The following SH3KBP1 variants were observed in gnomAD, a reference collection of about 807,000 sequenced individuals.
SH3KBP1 encodes SH3 domain-containing kinase-binding protein 1.
In SH3KBP1, 8 loss-of-function variants were observed where a neutral mutation model predicts 50.1. That is an observed-to-expected ratio of 0.16 (90% confidence interval 0.09 to 0.29). The LOEUF (loss-of-function observed/expected upper bound fraction) is 0.29, where lower values mean the gene tolerates loss of function less well. Ranked by LOEUF, SH3KBP1 falls within the 10% of genes least tolerant of loss-of-function variation. The pLI is 1.00. For synonymous variants in SH3KBP1, 227 were observed against 218.6 expected (o/e 1.04, Z -0.34); for missense variants, 377 against 535.2 (o/e 0.70, Z 2.92).
chrX:19,565,457 A>G, intron 13 of SH3KBP1, among the ~76,000 whole-genome samples: 1 of 111,667 alleles, frequency 9.0e-6, no homozygotes. Context: ...GAGTCATTAC[A>G]CATCCTTCAT....
At chrX:19,558,611 T>C (rs376104036) in intron 13 of SH3KBP1, among the ~76,000 whole-genome samples, 1 of 112,042 alleles carries the variant, frequency 8.9e-6, no homozygotes, top group East Asian at 2.8e-4. Context: ...TGCTGAATTT[T>C]ATCCTAATCC....
chrX:19,550,152 A>G lies in SH3KBP1; in HGVS notation c.1385-69T>C. On this transcript the variant is annotated intron_variant, in intron 13 of 17. Coordinates refer to ENST00000397821, the MANE Select transcript of SH3KBP1 (RefSeq NM_031892.3). ...AAGACTCTTATGATATGTCATAAGCACCTCTCTTCCTCAATAATAATCCTT... is the reference window on the plus strand; with the variant it reads ...AAGACTCTTATGATATGTCATAAGCGCCTCTCTTCCTCAATAATAATCCTT... The G allele has an allele frequency of 4.6e-6, 3 of 657,104 alleles. No individual in the cohort carries two copies. In the Admixed American group the frequency reaches 7.9e-5, roughly 17 times the overall value. The allele number at this position is 657,104 out of a possible 1,213,427, so 54.2% of individuals were successfully genotyped here.
chrX:19,760,045 T>TCTCTCTCC (rs2065356168), intron 2 of SH3KBP1, among the ~76,000 whole-genome samples: 1 of 64,322 alleles, frequency 1.6e-5, no homozygotes, highest in African/African-American at 6.2e-5. Context: ...TCTCTCCCTC[T>TCTCTCTCC]CTCTCTCTCT....
intron 6 of SH3KBP1, among the ~76,000 whole-genome samples, chrX:19,647,887 AG>A (rs1236657888): frequency 2.7e-5 from 3 of 111,350 alleles, no homozygotes; most frequent in Non-Finnish European, 5.7e-5. Flanking sequence ...AGCAGTCTCT[AG>A]GAACACACCC....
At chrX:19,683,499 G>C (rs913875662) in intron 6 of SH3KBP1, 4 of 338,517 alleles carry the variant, frequency 1.2e-5, no homozygotes, top group Admixed American at 6.5e-5. Flanking sequence ...AAAAGTGTCA[G>C]GGTCATGCAC....
At chrX:19,565,249 A>T (rs1433687452) in intron 13 of SH3KBP1, among the ~76,000 whole-genome samples, 1 of 108,361 alleles carries the variant, frequency 9.2e-6, no homozygotes, top group Non-Finnish European at 1.9e-5. Context: ...TTTAGTAGAG[A>T]CAGGGTTTCA....
At chrX:19,624,693 A>G (rs1203656351) in intron 8 of SH3KBP1, among the ~76,000 whole-genome samples, 1 of 112,280 alleles carries the variant, frequency 8.9e-6, no homozygotes, top group Non-Finnish European at 1.9e-5. Context: ...GGAAGACAAA[A>G]CAGCAACAAA....
At chrX:19,552,940 G>A (rs1013797043) in intron 13 of SH3KBP1, among the ~76,000 whole-genome samples, 3 of 110,603 alleles carry the variant, frequency 2.7e-5, no homozygotes, top group Non-Finnish European at 5.7e-5. Context: ...CCAGGGCCCA[G>A]TGAATAGAGA....
intron 2 of SH3KBP1, among the ~76,000 whole-genome samples, chrX:19,784,530 C>G (rs184035435): frequency 9.0e-6 from 1 of 111,662 alleles, no homozygotes; most frequent in Admixed American, 9.5e-5. Context: ...ATATGTCTAT[C>G]CAAAAATTTC....
rs2066629398 is a variant in SH3KBP1 at position 19,588,263 on chromosome X, C to T, written c.1298+380G>A. The stretch of plus-strand genomic sequence containing the variant: ...GGGTCGTAGCCACACATGAGATATA[C>T]ATACTTGAGGCCGGCACAACATCCA... On this transcript the variant is annotated intron_variant, in intron 12 of 17. Coordinates refer to ENST00000397821, the MANE Select transcript of SH3KBP1 (RefSeq NM_031892.3). 5 of 920,469 alleles carry T rather than the reference C, an allele frequency of 5.4e-6. No individual in the cohort carries two copies. In the African/African-American group the frequency reaches 1.0e-4, roughly 19 times the overall value. 75.9% of individuals were successfully genotyped at this position (920,469 alleles called of 1,213,427 possible).
intron 9 of SH3KBP1, among the ~76,000 whole-genome samples, chrX:19,598,848 A>G (rs750772618): frequency 8.9e-6 from 1 of 112,016 alleles, no homozygotes; most frequent in East Asian, 2.8e-4. Context: ...TACCCATAAC[A>G]GGTATAATAA....
chrX:19,538,606 AG>A (rs2064790653), intron 16 of SH3KBP1, among the ~76,000 whole-genome samples: 1 of 106,779 alleles, frequency 9.4e-6, no homozygotes, highest in Non-Finnish European at 1.9e-5. Context: ...TTATTTTTTG[AG>A]ATGGAGTCCC....
chrX:19,554,329 A>G (rs2065406279), intron 13 of SH3KBP1, among the ~76,000 whole-genome samples: 1 of 91,182 alleles, frequency 1.1e-5, no homozygotes, highest in Non-Finnish European at 2.0e-5. Context: ...ATATTAAAAT[A>G]TAATATTATA....
intron 1 of SH3KBP1, among the ~76,000 whole-genome samples, chrX:19,875,517 G>A (rs1173927608): frequency 8.9e-6 from 1 of 112,303 alleles, no homozygotes; most frequent in East Asian, 2.8e-4. Context: ...CACTGAGAGT[G>A]CCTGGCCCGA....
chrX:19,853,384 G>A (rs1443935714), intron 1 of SH3KBP1, among the ~76,000 whole-genome samples: 1 of 111,153 alleles, frequency 9.0e-6, no homozygotes, highest in African/African-American at 3.3e-5. Context: ...CAGATGCCAA[G>A]ACAGCAGGAT....
intron 3 of SH3KBP1, among the ~76,000 whole-genome samples, chrX:19,745,005 G>T (rs1204996716): frequency 8.9e-6 from 1 of 112,343 alleles, no homozygotes; most frequent in Admixed American, 9.4e-5. Flanking sequence ...GGACCCAAGA[G>T]GCAGGTGGAG....
intron 11 of SH3KBP1, among the ~76,000 whole-genome samples, chrX:19,590,545 T>C (rs2066712040): frequency 9.0e-6 from 1 of 110,970 alleles, no homozygotes; most frequent in African/African-American, 3.3e-5. Context: ...CATGGACTAG[T>C]GCAGGAAGTG....
intron 2 of SH3KBP1, among the ~76,000 whole-genome samples, chrX:19,765,550 T>G (rs1243196482): frequency 8.9e-6 from 1 of 112,053 alleles, no homozygotes; most frequent in Non-Finnish European, 1.9e-5. Flanking sequence ...AAAAAAAATT[T>G]TTTTTAATTG....
At chrX:19,662,911 T>C (rs910621265) in intron 6 of SH3KBP1, among the ~76,000 whole-genome samples, 1 of 109,188 alleles carries the variant, frequency 9.2e-6, no homozygotes, top group Non-Finnish European at 1.9e-5. Flanking sequence ...GAGTAAATTC[T>C]GGTCTGGTGA....
Sources: allele counts gnomAD v4.1 joint callset (sites outside exome capture counted in the v4.1 genomes callset), GRCh38; gene constraint gnomAD v4.1.1; transcripts MANE v1.5; gene names NCBI Gene and HGNC (gene_info 2026-07-23, HGNC 2026-07-21).